Variants in MYCBP2 observed in about 807,000 individuals in gnomAD.
MYCBP2 encodes the protein E3 ubiquitin-protein ligase MYCBP2.
In MYCBP2, 120 loss-of-function variants were observed where a neutral mutation model predicts 525.3. The observed-to-expected ratio is 0.23, with a 90% CI of 0.20 to 0.27. The LOEUF is 0.27. Among genes scored for constraint, MYCBP2 ranks in the 10% least tolerant of loss-of-function variants. MYCBP2 has a pLI of 1.00. For missense variants in MYCBP2, 4,149 were observed against 5,657.1 expected (o/e 0.73, Z 8.55); for synonymous variants, 1,894 against 1,955.8 (o/e 0.97, Z 0.83).
At chr13:77,178,614 CTT>C in intron 34 of MYCBP2, among the ~76,000 whole-genome samples, 1 of 152,338 alleles carries the variant, frequency 6.6e-6, no homozygotes, top group Non-Finnish European at 1.5e-5. Context: ...TGAAATCGCT[CTT>C]TTTATTTACA....
At chr13:77,268,593 G>A (rs1040236462) in intron 7 of MYCBP2, among the ~76,000 whole-genome samples, 21 of 151,766 alleles carry the variant, frequency 1.4e-4, no homozygotes, top group African/African-American at 2.2e-4. Flanking sequence ...AAGCCTGGCC[G>A]GCATGGTTAA....
intron 15 of MYCBP2, among the ~76,000 whole-genome samples, chr13:77,245,827 CATATATATGTAT>C (rs1567036680): frequency 6.9e-6 from 1 of 144,574 alleles, no homozygotes; most frequent in Non-Finnish European, 1.5e-5. Context: ...AAAAATAATA[CATATATATGTAT>C]ATATATATGT....
intron 50 of MYCBP2, among the ~76,000 whole-genome samples, 166 bp downstream of exon 50, chr13:77,140,680 C>T (rs2054475622): frequency 6.6e-6 from 1 of 152,138 alleles, no homozygotes; most frequent in Admixed American, 6.5e-5. Flanking sequence ...ACACATGCTA[C>T]AACTTAGAAA....
At chr13:77,174,522 C>A in intron 36 of MYCBP2, 33 bp from the exon 37 acceptor site, 1 of 1,557,232 alleles carries the variant, frequency 6.4e-7, no homozygotes. Context: ...ATCTTTTATT[C>A]ACAATGTACA....
intron 23 of MYCBP2, among the ~76,000 whole-genome samples, chr13:77,207,305 A>T (rs1469535278): frequency 6.6e-6 from 1 of 152,240 alleles, no homozygotes; most frequent in African/African-American, 2.4e-5. Context: ...ATGGATGTGG[A>T]TGTTCAACCA....
At chr13:77,224,396 A>G in intron 20 of MYCBP2, 55 bp downstream of exon 20, 1 of 1,101,114 alleles carries the variant, frequency 9.1e-7, no homozygotes, top group Non-Finnish European at 1.4e-6. Context: ...AAAGAAGGAA[A>G]AGAAAACAGA....
intron 14 of MYCBP2, among the ~76,000 whole-genome samples, chr13:77,254,674 C>T (rs943723902): frequency 1.3e-5 from 2 of 151,794 alleles, no homozygotes; most frequent in African/African-American, 4.8e-5. Flanking sequence ...ACGACATTCA[C>T]CCTACTCTGC....
intron 2 of MYCBP2, among the ~76,000 whole-genome samples, chr13:77,290,638 G>A (rs2077371430): frequency 6.6e-6 from 1 of 152,156 alleles, no homozygotes; most frequent in South Asian, 2.1e-4. Context: ...AATTTCACTG[G>A]ACAACATTCT....
intron 59 of MYCBP2, among the ~76,000 whole-genome samples, chr13:77,091,391 T>TA (rs1276576976): frequency 1.5e-5 from 2 of 137,146 alleles, no homozygotes; most frequent in Admixed American, 7.2e-5. Flanking sequence ...TCTACTAACT[T>TA]AAAAAAAATT....
intron 68 of MYCBP2, among the ~76,000 whole-genome samples, chr13:77,071,519 T>C (rs1341572227): frequency 6.6e-6 from 1 of 152,170 alleles, no homozygotes; most frequent in Non-Finnish European, 1.5e-5. Flanking sequence ...ACCAAAACTT[T>C]TTTTTTGGAG....
intron 1 of MYCBP2, among the ~76,000 whole-genome samples, chr13:77,308,783 T>A (rs184997868): frequency 6.6e-6 from 1 of 152,300 alleles, no homozygotes; most frequent in Admixed American, 6.5e-5. Flanking sequence ...GTTACCCTGA[T>A]GGGGAACTAG....
intron 42 of MYCBP2, among the ~76,000 whole-genome samples, 172 bp from the exon 43 acceptor site, chr13:77,164,713 C>T (rs1376286705): frequency 2.0e-5 from 3 of 152,192 alleles, no homozygotes; most frequent in Non-Finnish European, 4.4e-5. Flanking sequence ...GTGGCTCAGG[C>T]TGGTTATAAG....
At chr13:77,069,694 A>C (rs1369358727) in intron 69 of MYCBP2, among the ~76,000 whole-genome samples, 1 of 136,346 alleles carries the variant, frequency 7.3e-6, no homozygotes, top group Admixed American at 7.5e-5. Flanking sequence ...GTCTGTACTA[A>C]AAAAAAAAAA....
chr13:77,074,449 G>A (rs926390254), intron 68 of MYCBP2, among the ~76,000 whole-genome samples: 2 of 152,110 alleles, frequency 1.3e-5, no homozygotes, highest in Non-Finnish European at 2.9e-5. Flanking sequence ...GAAAAAACTG[G>A]ACTTTATCAA....
intron 42 of MYCBP2, 86 bp downstream of exon 42, chr13:77,165,187 A>T: frequency 8.4e-7 from 1 of 1,186,280 alleles, no homozygotes; most frequent in Non-Finnish European, 1.2e-6. Flanking sequence ...AGGCAACAGT[A>T]CAATTTAAGT....
rs116450257 is a variant in MYCBP2 at position 77,130,089 on chromosome 13, T to C, written c.7660-3547A>G. 5.6e-3 allele frequency among the ~76,000 whole-genome samples: 845 copies of C among 151,938 alleles called. 5 individuals carry two copies. The highest frequency in any genetic ancestry group is 0.019 in the African/African-American group (785 of 41,554). ...GATATACATTTTCGTAGTTATCTCA[T>C]GCTATCAATCTATATTTATCTGATT... On this transcript the variant is annotated intron_variant, in intron 52 of 82. Transcript: ENST00000544440.
rs2072493496 is a variant in MYCBP2, at chr13:77,257,696, A to G, written c.2151T>C (p.Thr717=). ...VNNKGQCGRD[T]GAMNQGGKGF... is the part of the protein sequence containing the mutation. ...CTTTCCCACCTTGGTTCATGGCACC[A>G]GTATCTCGTCCACACTGTCCTTTAT... The change falls in exon 14 of 83, where the codon ACT becomes ACC. Residue 717 remains threonine (T), a synonymous_variant. Transcript: ENST00000544440. 1 of 1,593,344 alleles carries G rather than the reference A, an allele frequency of 6.3e-7. No homozygotes were observed. Among genetic ancestry groups the G allele is most frequent in the African/African-American group, 1.4e-5 (1 of 73,998 alleles).
At position 77,081,580 on chromosome 13, in the gene MYCBP2, G is replaced by A. The variant is rs771188238; in HGVS notation, c.11265C>T (p.Ala3755=). ...IVDIKTSSRP[A]MIGSLTDGST... Reference sequence around the variant, plus strand: ...AGCCGTCTGTCAAACTGCCAATCATGGCAGGTCGGCTTGAAGTTTTTATGT... The same window carrying A: ...AGCCGTCTGTCAAACTGCCAATCATAGCAGGTCGGCTTGAAGTTTTTATGT... The change falls in exon 65 of 83, where the codon GCC becomes GCT. Residue 3755 remains alanine (A), a synonymous_variant. Transcript: ENST00000544440. This position sits in a 1 kb window ranked among gnomAD's most constrained non-coding sequence, Gnocchi z 4.6. 1.2e-6 allele frequency: 2 copies of A among 1,613,770 alleles called. No individual in the cohort carries two copies. Among genetic ancestry groups the A allele is most frequent in the Non-Finnish European group, 1.7e-6 (2 of 1,179,894 alleles).
rs747868887 is a variant in MYCBP2, at chr13:77,288,357, G to A, written c.398C>T (p.Thr133Ile). The A allele has an allele frequency of 6.2e-7, 1 of 1,612,942 alleles. No individual in the cohort carries two copies. Among genetic ancestry groups the A allele is most frequent in the Non-Finnish European group, 8.5e-7 (1 of 1,179,136 alleles). Reference sequence around the variant, plus strand: ...TAGTTTGATATCTGGTATGATTACTGTATTCTCTAAGTTTTCAGACTGAAA... The same window carrying A: ...TAGTTTGATATCTGGTATGATTACTATATTCTCTAAGTTTTCAGACTGAAA... ...TRSKSENLEN[T>I]VIIPDIKLHS... The change falls in exon 3 of 83, where the codon ACA becomes ATA. Residue 133 changes from threonine to isoleucine, a missense_variant. This residue lies in a region of MYCBP2 where 413 missense variants were observed against 451.2 expected (regional missense o/e 0.92). Coordinates refer to ENST00000544440, the MANE Select transcript of MYCBP2 (RefSeq NM_015057.5).
Sources: gnomAD v4.1 joint callset for allele counts (sites outside exome capture counted in the v4.1 genomes callset) on GRCh38, gnomAD v4.1.1 for gene constraint, gnomAD v4.1.1 regional missense constraint, Gnocchi (gnomAD v3.1) non-coding constraint, MANE v1.5 for transcripts, NCBI Gene and HGNC (gene_info 2026-07-23, HGNC 2026-07-21) for gene names.